PARN: variants seen among roughly 807,000 people sequenced by gnomAD.
PARN encodes the protein poly(A)-specific ribonuclease PARN.
A neutral mutation model predicts 102.8 loss-of-function variants in PARN; 71 were observed. The ratio of observed to expected loss-of-function variants is 0.69; its 90% CI spans 0.57 to 0.84. The LOEUF (loss-of-function observed/expected upper bound fraction) is 0.84, where lower values mean the gene tolerates loss of function less well. PARN is among the 40% of genes least tolerant of loss of function. The probability of loss-of-function intolerance (pLI) is 0.00; values close to 1 mark genes in which losing one functional copy is unlikely to be tolerated. For synonymous variants in PARN, 261 were observed against 252.9 expected, an observed-to-expected ratio of 1.03 and a Z score of -0.30; for missense variants, 782 against 760.9, an observed-to-expected ratio of 1.03 and a Z score of -0.33.
At chr16:14,444,113 T>C (rs1226991788) in intron 23 of PARN, among the ~76,000 whole-genome samples, 2 of 152,198 alleles carry the variant, frequency 1.3e-5, no homozygotes, top group Non-Finnish European at 2.9e-5. Context: ...CCACAGGTTC[T>C]GCACCTGATA....
At chr16:14,569,825 G>A (rs1968677308) in intron 18 of PARN, among the ~76,000 whole-genome samples, 1 of 152,070 alleles carries the variant, frequency 6.6e-6, no homozygotes, top group South Asian at 2.1e-4. Context: ...TGTTTGGGGT[G>A]ACGAAAAAGT....
intron 18 of PARN, among the ~76,000 whole-genome samples, chr16:14,566,277 CAT>C (rs758193386): frequency 1.3e-5 from 2 of 152,182 alleles, no homozygotes; most frequent in African/African-American, 2.4e-5. Context: ...TCACTGCCAT[CAT>C]ATGTGTCCTC....
chr16:14,522,038 T>C lies in PARN; in HGVS notation c.1480+29983A>G, dbSNP rs376826664. On this transcript the variant is annotated intron_variant, in intron 21 of 23. Coordinates refer to ENST00000437198, the MANE Select transcript of PARN (RefSeq NM_002582.4). The stretch of plus-strand genomic sequence containing the variant: ...TCTAGGACTGCAGTAGGCTGTACCA[T>C]ATAGGTTTAAGTACACAACGATGTT... Among the ~76,000 whole-genome samples the C allele has an allele frequency of 7.9e-5, 12 of 152,312 alleles. No individual in the cohort carries two copies. The East Asian group carries it at 1.7e-3, about 22-fold the overall frequency.
At chr16:14,478,973 T>G (rs1963227732) in intron 22 of PARN, among the ~76,000 whole-genome samples, 1 of 152,150 alleles carries the variant, frequency 6.6e-6, no homozygotes. Flanking sequence ...GAGACAGTGT[T>G]TGGCCAGGCT....
At chr16:14,607,638 G>A (rs1267844776) in intron 9 of PARN, among the ~76,000 whole-genome samples, 1 of 152,168 alleles carries the variant, frequency 6.6e-6, no homozygotes, top group East Asian at 1.9e-4. Context: ...GGTGGAGTAG[G>A]CTGCAAGGAC....
At chr16:14,472,986 T>C (rs369441730) in intron 22 of PARN, among the ~76,000 whole-genome samples, 1 of 152,312 alleles carries the variant, frequency 6.6e-6, no homozygotes, top group African/African-American at 2.4e-5. Context: ...CACAAAAGTA[T>C]AGATACAAAA....
chr16:14,466,676 C>T (rs1208410259), intron 22 of PARN, among the ~76,000 whole-genome samples: 1 of 152,220 alleles, frequency 6.6e-6, no homozygotes, highest in East Asian at 1.9e-4. Flanking sequence ...CCCATCTATC[C>T]TCACCTCCAT....
chr16:14,472,394 T>G (rs1166118796), intron 22 of PARN, among the ~76,000 whole-genome samples: 1 of 152,220 alleles, frequency 6.6e-6, no homozygotes, highest in Non-Finnish European at 1.5e-5. Context: ...GCAAAGTAGC[T>G]GAATTCAGAG....
At chr16:14,468,560 C>T (rs1390948720) in intron 22 of PARN, among the ~76,000 whole-genome samples, 1 of 152,120 alleles carries the variant, frequency 6.6e-6, no homozygotes, top group Non-Finnish European at 1.5e-5. Flanking sequence ...GTTCCAGCAG[C>T]CTTGCTGATG....
intron 5 of PARN, among the ~76,000 whole-genome samples, 184 bp downstream of exon 5, chr16:14,626,922 T>C (rs1226818185): frequency 2.0e-5 from 3 of 152,128 alleles, no homozygotes; most frequent in African/African-American, 7.2e-5. Context: ...TGGCCCTCCT[T>C]AATTCATTCT....
At chr16:14,533,711 C>T (rs556493769) in intron 21 of PARN, among the ~76,000 whole-genome samples, 121 of 152,206 alleles carry the variant, frequency 7.9e-4, no homozygotes, top group Middle Eastern at 3.4e-3. Flanking sequence ...ATCGCCTCCT[C>T]GGAAGCCTTC....
Position 14,584,333 on chromosome 16 carries a change from T to C in PARN, c.1081+14A>G, listed in dbSNP as rs754175748. ...TACAAAGAGTTTGGAGGGTTTCCGGTTTAATATTCTTACCAACTTTAGGAG... is the reference window on the plus strand; with the variant it reads ...TACAAAGAGTTTGGAGGGTTTCCGGCTTAATATTCTTACCAACTTTAGGAG... On this transcript the variant is annotated intron_variant, in intron 16 of 23. Coordinates refer to ENST00000437198, the MANE Select transcript of PARN (RefSeq NM_002582.4). 7.6e-6 allele frequency: 12 copies of C among 1,579,598 alleles called. No individual in the cohort carries two copies. In the Admixed American group the frequency reaches 1.3e-4, roughly 18 times the overall value.
At chr16:14,508,267 C>A (rs1393154385) in intron 21 of PARN, among the ~76,000 whole-genome samples, 1 of 152,056 alleles carries the variant, frequency 6.6e-6, no homozygotes, top group Admixed American at 6.6e-5. Flanking sequence ...TGGTGCCTCA[C>A]ATCTGTAATC....
chr16:14,564,976 C>G (rs1158468520), intron 18 of PARN: 1 of 152,174 alleles, frequency 6.6e-6, no homozygotes, highest in Non-Finnish European at 1.5e-5. Context: ...GCGGCTCACC[C>G]CAAGTCCCAA....
At chr16:14,613,219 G>A (rs933782649) in intron 6 of PARN, among the ~76,000 whole-genome samples, 2 of 149,364 alleles carry the variant, frequency 1.3e-5, no homozygotes, top group African/African-American at 2.5e-5. Flanking sequence ...TGAGGCAGGA[G>A]AATCGCTTGA....
At chr16:14,624,781 G>C (rs1972538465) in intron 5 of PARN, among the ~76,000 whole-genome samples, 1 of 152,014 alleles carries the variant, frequency 6.6e-6, no homozygotes, top group Non-Finnish European at 1.5e-5. Flanking sequence ...AGCCGGTGTG[G>C]TGGTGCATGC....
At chr16:14,535,752 C>T (rs138405713) in intron 21 of PARN, among the ~76,000 whole-genome samples, 1 of 152,192 alleles carries the variant, frequency 6.6e-6, no homozygotes, top group Non-Finnish European at 1.5e-5. Flanking sequence ...GTTTCATTGT[C>T]GGTTATTATT....
intron 21 of PARN, among the ~76,000 whole-genome samples, chr16:14,504,926 G>A (rs1964810603): frequency 6.6e-6 from 1 of 152,234 alleles, no homozygotes; most frequent in South Asian, 2.1e-4. Context: ...TTCTAGTGGT[G>A]AGATATAGAC....
intron 21 of PARN, among the ~76,000 whole-genome samples, chr16:14,507,640 G>A (rs908813343): frequency 6.6e-6 from 1 of 151,864 alleles, no homozygotes; most frequent in Non-Finnish European, 1.5e-5. Flanking sequence ...AGTGAGCCAA[G>A]ATTGCACCAC....
Sources: gnomAD v4.1 joint callset for allele counts (sites outside exome capture counted in the v4.1 genomes callset) on GRCh38, gnomAD v4.1.1 for gene constraint, MANE v1.5 for transcripts, NCBI Gene and HGNC (gene_info 2026-07-23, HGNC 2026-07-21) for gene names.